Variants in LINGO2 observed in about 807,000 individuals in gnomAD.
The protein encoded by LINGO2 is leucine rich repeat and Ig domain containing 2.
A neutral mutation model predicts 30.6 loss-of-function variants in LINGO2; 14 were observed. The ratio of observed to expected loss-of-function variants is 0.46; its 90% CI spans 0.30 to 0.72. LINGO2 has a LOEUF of 0.72. Among genes scored for constraint, LINGO2 ranks in the 30% least tolerant of loss-of-function variants. The pLI, the probability that LINGO2 is intolerant of heterozygous loss-of-function variation, is 0.07. For missense variants in LINGO2, 729 were observed against 751.7 expected (o/e 0.97, Z 0.35); for synonymous variants, 317 against 288.5 (o/e 1.10, Z -1.00).
the LINGO2 span, among the ~76,000 whole-genome samples, chr9:28,765,590 G>C: frequency 6.6e-6 from 1 of 152,038 alleles, no homozygotes; most frequent in South Asian, 2.1e-4. Context: ...TCCTGGAAGA[G>C]TGGGTTGTTA....
intron 3 of LINGO2, among the ~76,000 whole-genome samples, chr9:28,302,339 G>T (rs2134213130): frequency 6.6e-6 from 1 of 152,306 alleles, no homozygotes; most frequent in South Asian, 2.1e-4. Flanking sequence ...TAGTTTGACA[G>T]CAGTACCATT....
intron 1 of LINGO2, among the ~76,000 whole-genome samples, chr9:28,550,302 T>A (rs1029561949): frequency 1.3e-5 from 2 of 151,840 alleles, no homozygotes; most frequent in African/African-American, 2.4e-5. Context: ...TTCTCATATG[T>A]TTTTCCCTTT....
intron 2 of LINGO2, among the ~76,000 whole-genome samples, chr9:28,407,930 G>A (rs1167606369): frequency 2.0e-5 from 3 of 152,128 alleles, no homozygotes; most frequent in Non-Finnish European, 4.4e-5. Flanking sequence ...ATGTGCATTT[G>A]AAATAGTGTA....
intron 5 of LINGO2, among the ~76,000 whole-genome samples, chr9:27,987,901 T>C (rs948182382): frequency 1.3e-5 from 2 of 152,010 alleles, no homozygotes; most frequent in African/African-American, 2.4e-5. Flanking sequence ...ATGTGCACAA[T>C]GTGCAGGTTT....
At chr9:29,180,134 C>T in the LINGO2 span, among the ~76,000 whole-genome samples, 1 of 152,148 alleles carries the variant, frequency 6.6e-6, no homozygotes, top group East Asian at 1.9e-4. Context: ...TCATTTATCT[C>T]AGCACCAAGG....
At chr9:28,704,875 A>C in the LINGO2 span, among the ~76,000 whole-genome samples, 1 of 151,792 alleles carries the variant, frequency 6.6e-6, no homozygotes, top group Non-Finnish European at 1.5e-5. Context: ...CTGGTCTAAT[A>C]ATTCCAAATT....
chr9:27,999,596 T>C (rs1821846131), intron 5 of LINGO2, among the ~76,000 whole-genome samples: 1 of 152,112 alleles, frequency 6.6e-6, no homozygotes, highest in African/African-American at 2.4e-5. Context: ...GTCACTTCTT[T>C]CCTCTGCTGC....
At chr9:28,504,071 C>G (rs779758351) in intron 1 of LINGO2, among the ~76,000 whole-genome samples, 9 of 151,742 alleles carry the variant, frequency 5.9e-5, no homozygotes, top group Non-Finnish European at 1.3e-4. Context: ...ATCTATAGTG[C>G]CTACGGTTCA....
intron 4 of LINGO2, among the ~76,000 whole-genome samples, chr9:28,100,529 A>C (rs1459248324): frequency 6.6e-6 from 1 of 152,216 alleles, no homozygotes; most frequent in African/African-American, 2.4e-5. Flanking sequence ...GTAAAGATAT[A>C]AAATGTAGTC....
chr9:28,549,572 T>G (rs1199601365), intron 1 of LINGO2, among the ~76,000 whole-genome samples: 1 of 152,022 alleles, frequency 6.6e-6, no homozygotes. Flanking sequence ...ACAGTTGCAG[T>G]AGCAGTGTAT....
the LINGO2 span, among the ~76,000 whole-genome samples, chr9:29,014,542 A>G: frequency 6.6e-6 from 1 of 152,198 alleles, no homozygotes; most frequent in African/African-American, 2.4e-5. Flanking sequence ...AAACTTAGAT[A>G]AAGGGCCATA....
rs187005549 is a variant in LINGO2, at chr9:28,609,610, C to A, written c.-365+60590G>T. On this transcript the variant is annotated intron_variant, in intron 1 of 5. Coordinates refer to ENST00000379992, the Ensembl canonical transcript of LINGO2. ...ATATAGATATACACAATGCAGAGAT[C>A]AGATAATGTCTTACTTCATTTTGAG... Among the ~76,000 whole-genome samples, 8 of 152,028 alleles carry A rather than the reference C, an allele frequency of 5.3e-5. No homozygotes were observed. In the East Asian group the frequency reaches 1.5e-3, roughly 29 times the overall value.
At chr9:28,917,681 G>C in the LINGO2 span, among the ~76,000 whole-genome samples, 1 of 152,090 alleles carries the variant, frequency 6.6e-6, no homozygotes, top group South Asian at 2.1e-4. Context: ...AAGAAGCAGT[G>C]ATTTACATTT....
At position 28,266,943 on chromosome 9, in the gene LINGO2, A is replaced by G. The variant is rs577376190; in HGVS notation, c.-87+28265T>C. On this transcript the variant is annotated intron_variant, in intron 4 of 5. Transcript: ENST00000379992. ...ATACACTAGCTGTGCCCCGCTGTAC[A>G]TCTATCTTGGGCAAACCTGTCACCA... 3.9e-5 allele frequency among the ~76,000 whole-genome samples: 6 copies of G among 151,940 alleles called. 1 individual carries two copies. The highest frequency in any genetic ancestry group is 1.4e-4 in the African/African-American group (6 of 41,402).
chr9:28,094,156 A>C (rs1198977184), intron 4 of LINGO2, among the ~76,000 whole-genome samples: 1 of 152,112 alleles, frequency 6.6e-6, no homozygotes, highest in Non-Finnish European at 1.5e-5. Flanking sequence ...TGGTATAATG[A>C]GGGTAACCTA....
chr9:28,478,367 C>G (rs1260956059), intron 1 of LINGO2, among the ~76,000 whole-genome samples: 1 of 151,758 alleles, frequency 6.6e-6, no homozygotes, highest in Non-Finnish European at 1.5e-5. Context: ...AGCATTGCTT[C>G]TCAAGCTTAA....
At chr9:28,522,697 A>G (rs538691339) in intron 1 of LINGO2, among the ~76,000 whole-genome samples, 1 of 152,228 alleles carries the variant, frequency 6.6e-6, no homozygotes, top group Non-Finnish European at 1.5e-5. Flanking sequence ...AGAGCAGCAC[A>G]AATTCATTGC....
At chr9:27,985,343 CAT>C (rs1335930662) in intron 5 of LINGO2, among the ~76,000 whole-genome samples, 2 of 151,886 alleles carry the variant, frequency 1.3e-5, no homozygotes, top group Middle Eastern at 3.2e-3. Context: ...AGGCATCAAA[CAT>C]AAAATTTACA....
the LINGO2 span, among the ~76,000 whole-genome samples, chr9:28,771,233 C>T: frequency 4.0e-5 from 6 of 151,368 alleles, no homozygotes; most frequent in African/African-American, 1.5e-4. Context: ...TCATAAATCA[C>T]AATCAATGGG....
Sources: allele counts gnomAD v4.1 joint callset (sites outside exome capture counted in the v4.1 genomes callset), GRCh38; gene constraint gnomAD v4.1.1; transcripts MANE v1.5; gene names NCBI Gene and HGNC (gene_info 2026-07-23, HGNC 2026-07-21).